Variants in RAB3GAP2 observed in about 807,000 individuals in gnomAD.
RAB3GAP2 encodes RAB3 GTPase activating non-catalytic protein subunit 2.
In RAB3GAP2, 87 loss-of-function variants were observed where a neutral mutation model predicts 185.3. The ratio of observed to expected loss-of-function variants is 0.47; its 90% CI spans 0.39 to 0.56. The LOEUF (loss-of-function observed/expected upper bound fraction) is 0.56, where lower values mean the gene tolerates loss of function less well. Among genes scored for constraint, RAB3GAP2 ranks in the 20% least tolerant of loss-of-function variants. RAB3GAP2 has a pLI of 0.00. For synonymous variants in RAB3GAP2, 554 were observed against 576.1 expected, an observed-to-expected ratio of 0.96 and a Z score of 0.55; for missense variants, 1,492 against 1,638.2, an observed-to-expected ratio of 0.91 and a Z score of 1.54.
chr1:220,260,866 T>C (rs969000043), intron 1 of RAB3GAP2, among the ~76,000 whole-genome samples: 2 of 152,208 alleles, frequency 1.3e-5, no homozygotes, highest in South Asian at 2.1e-4. Flanking sequence ...TAGCAACATA[T>C]GGCTTGAACA....
At chr1:220,264,855 T>C (rs746864265) in intron 1 of RAB3GAP2, among the ~76,000 whole-genome samples, 4 of 152,172 alleles carry the variant, frequency 2.6e-5, no homozygotes, top group African/African-American at 4.8e-5. Context: ...TGCCATATCA[T>C]AGCATAACAC....
intron 20 of RAB3GAP2, 56 bp from the exon 21 acceptor site, chr1:220,182,410 CA>C (rs1396949930): frequency 6.2e-7 from 1 of 1,606,678 alleles, no homozygotes; most frequent in African/African-American, 1.3e-5. Context: ...TTTGGACTAA[CA>C]ATCTTATTGA....
In RAB3GAP2 at chr1:220,193,251, C is replaced by T. The variant is rs571851313; in HGVS notation, c.1259G>A (p.Arg420His). The change falls in exon 13 of 35, where the codon CGC becomes CAC. Residue 420 changes from arginine to histidine, a missense_variant. Arg to His is a conservative substitution (Grantham distance 29). This residue lies in a region of RAB3GAP2 where 681 missense variants were observed against 689.1 expected (regional missense o/e 0.99). Transcript: ENST00000358951. ...LLDVARGIAI[R>H]MWKGYRDAQI... ...TTTGTAAGAAGTACCTTTCCACATG[C>T]GTATTGCAATTCCTCTAGCTACATC... 9 of 1,613,938 alleles carry T rather than the reference C, an allele frequency of 5.6e-6. No individual in the cohort carries two copies. Among genetic ancestry groups the T allele is most frequent in the Admixed American group, 3.3e-5 (2 of 60,020 alleles).
chr1:220,187,970 T>TG (rs1437634428), intron 17 of RAB3GAP2, among the ~76,000 whole-genome samples: 1 of 152,016 alleles, frequency 6.6e-6, no homozygotes, highest in African/African-American at 2.4e-5. Flanking sequence ...AGAAGTCTTG[T>TG]GGGACTGAGC....
rs878892722 is a variant in RAB3GAP2 at position 220,190,307 on chromosome 1, G to A, written c.1631+70C>T. Reference sequence around the variant, plus strand: ...AACAAAATAGCAACTACAAAAGAGAGTACAACAAACCTAGGAACTAGGAAA... The same window carrying A: ...AACAAAATAGCAACTACAAAAGAGAATACAACAAACCTAGGAACTAGGAAA... On this transcript the variant is annotated intron_variant, in intron 15 of 34. Transcript: ENST00000358951. The A allele has an allele frequency of 1.0e-5, 16 of 1,598,682 alleles. No homozygotes were observed. In the South Asian group the frequency reaches 1.4e-4, roughly 14 times the overall value.
At chr1:220,230,604 T>C (rs1226781888) in intron 2 of RAB3GAP2, among the ~76,000 whole-genome samples, 6 of 152,346 alleles carry the variant, frequency 3.9e-5, no homozygotes, top group South Asian at 2.1e-4. Context: ...TAGCACATGA[T>C]GCTCTCTGAT....
chr1:220,253,779 G>A, intron 1 of RAB3GAP2: 1 of 1,611,866 alleles, frequency 6.2e-7, no homozygotes, highest in Non-Finnish European at 8.5e-7. Flanking sequence ...ACACCAATTT[G>A]CAGAAACAGC....
intron 1 of RAB3GAP2, among the ~76,000 whole-genome samples, chr1:220,245,147 G>C (rs1045706370): frequency 6.6e-6 from 1 of 151,422 alleles, no homozygotes; most frequent in Non-Finnish European, 1.5e-5. Context: ...TCATTAAAAA[G>C]TGGGCAAAGA....
intron 2 of RAB3GAP2, among the ~76,000 whole-genome samples, chr1:220,215,659 G>A (rs1659179437): frequency 6.6e-6 from 1 of 152,068 alleles, no homozygotes. Flanking sequence ...GAACATAAGT[G>A]ATGCAAATAG....
Position 220,210,820 on chromosome 1 carries a change from T to C in RAB3GAP2, c.491A>G (p.Tyr164Cys). The C allele has an allele frequency of 6.2e-7, 1 of 1,613,538 alleles. No individual in the cohort carries two copies. The highest frequency in any genetic ancestry group is 8.5e-7 in the Non-Finnish European group (1 of 1,179,708). Residue 164 changes from tyrosine (Y) to cysteine (C), a missense_variant, in exon 6 of 35, where the codon TAT (tyrosine) becomes TGT (cysteine). Coordinates refer to ENST00000358951, the MANE Select transcript of RAB3GAP2 (RefSeq NM_012414.4). ...TCIVVGFTSG[Y>C]VRFYTENGVL... ...ACTCACCTCAGTGTAGAAGCGTACA[T>C]AACCTGAAGTAAAACCCACCACAAT...
At chr1:220,173,006 T>C (rs1200788825) in intron 21 of RAB3GAP2, among the ~76,000 whole-genome samples, 1 of 152,170 alleles carries the variant, frequency 6.6e-6, no homozygotes, top group Non-Finnish European at 1.5e-5. Flanking sequence ...CCAATCCAAA[T>C]CTCTATTAAG....
intron 6 of RAB3GAP2, 143 bp downstream of exon 6, chr1:220,210,658 G>A (rs1659065571): frequency 9.8e-7 from 1 of 1,025,284 alleles, no homozygotes; most frequent in Non-Finnish European, 1.5e-6. Context: ...ACTTGCCACG[G>A]CCTATCCCGG....
intron 1 of RAB3GAP2, among the ~76,000 whole-genome samples, chr1:220,242,956 A>T (rs1479071232): frequency 6.6e-6 from 1 of 152,226 alleles, no homozygotes; most frequent in South Asian, 2.1e-4. Context: ...TCCCAATGAC[A>T]GAAAATACAC....
intron 21 of RAB3GAP2, 64 bp downstream of exon 21, chr1:220,182,193 A>C: frequency 1.3e-6 from 2 of 1,597,482 alleles, no homozygotes; most frequent in South Asian, 2.3e-5. Context: ...AAAAAAAAGA[A>C]GACTGACACT....
chr1:220,191,067 C>G lies in RAB3GAP2; in HGVS notation c.1487+1G>C. ...GCACAATGCCAGCATTTGCAGCTTACCTGCAGTGCTTCCCCACATTGAAAG... is the reference window on the plus strand; with the variant it reads ...GCACAATGCCAGCATTTGCAGCTTAGCTGCAGTGCTTCCCCACATTGAAAG... On this transcript the variant is annotated splice_donor_variant, in intron 14 of 34. Coordinates refer to ENST00000358951, the MANE Select transcript of RAB3GAP2 (RefSeq NM_012414.4). LOFTEE classifies it high-confidence loss of function. 6.2e-7 allele frequency: 1 copy of G among 1,611,642 alleles called. No individual in the cohort carries two copies. Among genetic ancestry groups the G allele is most frequent in the Non-Finnish European group, 8.5e-7 (1 of 1,178,200 alleles).
intron 13 of RAB3GAP2, among the ~76,000 whole-genome samples, chr1:220,192,411 G>A (rs953127461): frequency 2.0e-5 from 3 of 152,128 alleles, no homozygotes; most frequent in African/African-American, 7.2e-5. Context: ...ACCATAAATT[G>A]TGGTCTATGC....
intron 8 of RAB3GAP2, among the ~76,000 whole-genome samples, chr1:220,204,818 T>C (rs572599186): frequency 6.9e-6 from 1 of 145,238 alleles, no homozygotes; most frequent in African/African-American, 2.5e-5. Flanking sequence ...TTCCCACCTA[T>C]GAGTGAGAAC....
intron 24 of RAB3GAP2, among the ~76,000 whole-genome samples, chr1:220,168,784 G>T (rs544718923): frequency 6.6e-6 from 1 of 152,294 alleles, no homozygotes; most frequent in South Asian, 2.1e-4. Context: ...ATTATATCAT[G>T]TCTCAGTCAT....
intron 21 of RAB3GAP2, among the ~76,000 whole-genome samples, chr1:220,176,962 C>A (rs558347180): frequency 3.0e-4 from 45 of 152,294 alleles, no homozygotes; most frequent in African/African-American, 1.0e-3. Context: ...CGACACATAA[C>A]CATCTGAGCC....
Sources: gnomAD v4.1 joint callset for allele counts (sites outside exome capture counted in the v4.1 genomes callset) on GRCh38, gnomAD v4.1.1 for gene constraint, gnomAD v4.1.1 regional missense constraint, MANE v1.5 for transcripts, NCBI Gene and HGNC (gene_info 2026-07-23, HGNC 2026-07-21) for gene names.